The following VAMP4 variants were observed in gnomAD, a reference collection of about 807,000 sequenced individuals.
VAMP4 encodes vesicle associated membrane protein 4, also known as vesicle-associated membrane protein 4.
A neutral mutation model predicts 23.5 loss-of-function variants in VAMP4; 19 were observed. The ratio of observed to expected loss-of-function variants is 0.81; its 90% confidence interval spans 0.56 to 1.19. VAMP4 has a LOEUF of 1.19. Ranked by LOEUF, VAMP4 falls within the 50% of genes most tolerant of loss-of-function variation. The pLI is 0.00. For missense variants in VAMP4, 145 were observed against 168.6 expected (o/e 0.86, Z 0.78); for synonymous variants, 31 against 51.0 (o/e 0.61, Z 1.67).
intron 3 of VAMP4, among the ~76,000 whole-genome samples, chr1:171,724,323 T>C (rs1655294295): frequency 5.9e-5 from 3 of 50,524 alleles, no homozygotes; most frequent in Admixed American, 6.0e-4. Context: ...GGTCCTGTCA[T>C]GGGGTGGGGG....
intron 4 of VAMP4, 85 bp from the exon 5 acceptor site, chr1:171,710,899 A>AT: frequency 1.1e-6 from 1 of 940,256 alleles, no homozygotes; most frequent in Non-Finnish European, 1.6e-6. Flanking sequence ...ATAATAAAGA[A>AT]TAGCAAATTC....
intron 3 of VAMP4, among the ~76,000 whole-genome samples, chr1:171,721,890 A>C (rs997428320): frequency 3.9e-5 from 6 of 152,210 alleles, no homozygotes; most frequent in South Asian, 2.1e-4. Context: ...TCTTCACAGA[A>C]TTGGAAAAAA....
chr1:171,715,008 T>A (rs1159185778), intron 4 of VAMP4, among the ~76,000 whole-genome samples: 1 of 152,076 alleles, frequency 6.6e-6, no homozygotes, highest in East Asian at 1.9e-4. Flanking sequence ...CAAGAGTTAA[T>A]CAGGCAGAGT....
intron 3 of VAMP4, among the ~76,000 whole-genome samples, chr1:171,721,008 A>G (rs907460871): frequency 1.3e-5 from 2 of 152,132 alleles, no homozygotes; most frequent in African/African-American, 4.8e-5. Context: ...GACGGTTTAA[A>G]ATTTCAAAAT....
chr1:171,710,662 C>T (rs965838440), intron 5 of VAMP4, 52 bp downstream of exon 5: 1 of 1,436,474 alleles, frequency 7.0e-7, no homozygotes, highest in Admixed American at 2.1e-5. Flanking sequence ...AAGTAGAAGA[C>T]AAAAACTAGC....
intron 4 of VAMP4, among the ~76,000 whole-genome samples, chr1:171,712,398 TAAAA>T: frequency 1.3e-5 from 2 of 152,060 alleles, no homozygotes; most frequent in African/African-American, 2.4e-5. Flanking sequence ...AAGTTTGCTA[TAAAA>T]ACAAAATGAA....
rs944063866 is a variant in VAMP4, at chr1:171,702,926, TTCTC to T, written c.*1576_*1579del. ...GGTGTCTTGAGTGTCTCAGTCTGCT[TTCTC>T]TCTTCAAATTTTTTCCATTCTAAAC... is the stretch of plus-strand genomic sequence containing the variant. On this transcript the variant is annotated 3_prime_UTR_variant, in exon 8 of 8. Transcript: ENST00000236192. The T allele has an allele frequency of 2.6e-5, 4 of 151,924 alleles. No homozygotes were observed. Among genetic ancestry groups the T allele is most frequent in the African/African-American group, 9.7e-5 (4 of 41,436 alleles). 9.4% of individuals were successfully genotyped at this position (151,924 alleles called of 1,614,324 possible).
chr1:171,718,827 A>T (rs1202973830), intron 4 of VAMP4, among the ~76,000 whole-genome samples: 2 of 152,196 alleles, frequency 1.3e-5, no homozygotes, highest in African/African-American at 2.4e-5. Context: ...CCTTAGCTAT[A>T]ATTCTGAGAA....
At chr1:171,719,264 A>T in intron 3 of VAMP4, 43 bp from the exon 4 acceptor site, 1 of 1,523,970 alleles carries the variant, frequency 6.6e-7, no homozygotes, top group Non-Finnish European at 9.0e-7. Flanking sequence ...TAGTGACAGG[A>T]TTAAAACAAA....
intron 3 of VAMP4, 41 bp from the exon 4 acceptor site, chr1:171,719,262 G>A (rs779035838): frequency 1.3e-6 from 2 of 1,527,140 alleles, no homozygotes; most frequent in Non-Finnish European, 1.8e-6. Context: ...AGTAGTGACA[G>A]GATTAAAACA....
At position 171,710,710 on chromosome 1, in the gene VAMP4, G is replaced by A. The variant is rs976179586; in HGVS notation, c.265+4C>T. 2.3e-5 allele frequency: 37 copies of A among 1,587,742 alleles called. No individual in the cohort carries two copies. Among genetic ancestry groups the A allele is most frequent in the African/African-American group, 4.1e-5 (3 of 74,034 alleles). On this transcript the variant is annotated splice_donor_region_variant and intron_variant, in intron 5 of 7. Transcript: ENST00000236192. ...AATATCAAGAAATACATGAAGATCT[G>A]TACCTGATTTGTCCTGTAGTTCATC...
chr1:171,704,826 ATATT>A (rs754444494), intron 7 of VAMP4, among the ~76,000 whole-genome samples: 1 of 152,036 alleles, frequency 6.6e-6, no homozygotes, highest in African/African-American at 2.4e-5. Context: ...TAGTCACAAT[ATATT>A]TATTAGAAAG....
intron 1 of VAMP4, among the ~76,000 whole-genome samples, chr1:171,740,075 A>C: frequency 6.6e-6 from 1 of 152,214 alleles, no homozygotes; most frequent in East Asian, 1.9e-4. Flanking sequence ...TTTACTCTTT[A>C]TGATGCTTCT....
intron 4 of VAMP4, among the ~76,000 whole-genome samples, chr1:171,713,300 T>G (rs1397540285): frequency 6.7e-6 from 1 of 149,954 alleles, no homozygotes; most frequent in Admixed American, 6.7e-5. Flanking sequence ...TTTTTTTTTT[T>G]GTCATATGCA....
chr1:171,709,783 A>T, intron 5 of VAMP4, 39 bp from the exon 6 acceptor site: 1 of 1,488,628 alleles, frequency 6.7e-7, no homozygotes, highest in South Asian at 1.1e-5. Context: ...ATTAAACGAC[A>T]TAACAGGATT....
At chr1:171,715,915 C>A (rs1655010915) in intron 4 of VAMP4, among the ~76,000 whole-genome samples, 1 of 152,038 alleles carries the variant, frequency 6.6e-6, no homozygotes, top group Non-Finnish European at 1.5e-5. Flanking sequence ...GTGGAAGGAT[C>A]AATTGAGCCC....
At chr1:171,706,875 T>G (rs1654674580) in intron 6 of VAMP4, among the ~76,000 whole-genome samples, 1 of 152,180 alleles carries the variant, frequency 6.6e-6, no homozygotes, top group South Asian at 2.1e-4. Context: ...CTTTAAGCCT[T>G]TTTTATTAAT....
At chr1:171,730,214 A>T (rs1350690454) in intron 2 of VAMP4, among the ~76,000 whole-genome samples, 1 of 152,230 alleles carries the variant, frequency 6.6e-6, no homozygotes, top group African/African-American at 2.4e-5. Flanking sequence ...GGTAATTTGT[A>T]GCAGTAGCAA....
chr1:171,716,765 AT>A (rs1655031981), intron 4 of VAMP4, among the ~76,000 whole-genome samples: 1 of 152,176 alleles, frequency 6.6e-6, no homozygotes, highest in African/African-American at 2.4e-5. Context: ...AACGCCAGGG[AT>A]TTGTCATTGG....
Sources: allele counts gnomAD v4.1 joint callset (sites outside exome capture counted in the v4.1 genomes callset), GRCh38; gene constraint gnomAD v4.1.1; transcripts MANE v1.5; gene names NCBI Gene and HGNC (gene_info 2026-07-23, HGNC 2026-07-21).